The following ELAVL2 variants were observed in gnomAD, a reference collection of about 807,000 sequenced individuals.
The protein encoded by ELAVL2 is ELAV like RNA binding protein 2, also known as ELAV-like protein 2.
In ELAVL2, 4 loss-of-function variants were observed where a neutral mutation model predicts 34.6. The ratio of observed to expected loss-of-function variants is 0.12; its 90% CI spans 0.06 to 0.26. ELAVL2 has a LOEUF of 0.26. Among genes scored for constraint, ELAVL2 ranks in the 10% least tolerant of loss-of-function variants. The pLI is 1.00. For missense variants in ELAVL2, 432 were observed against 442.8 expected, an observed-to-expected ratio of 0.98 and a Z score of 0.22; for synonymous variants, 193 against 154.8, an observed-to-expected ratio of 1.25 and a Z score of -1.83.
chr9:23,745,292 A>G (rs529173756), intron 2 of ELAVL2, among the ~76,000 whole-genome samples: 8 of 152,318 alleles, frequency 5.3e-5, no homozygotes, highest in East Asian at 1.9e-4. Flanking sequence ...CTGAATGTAT[A>G]ATCTACAGCC....
chr9:23,821,899 C>G (rs1483653113), intron 1 of ELAVL2: 1 of 151,166 alleles, frequency 6.6e-6, no homozygotes, highest in Non-Finnish European at 1.5e-5. Context: ...GAGGCGGGGC[C>G]GGCGGCGAGT....
At chr9:23,779,140 C>T in intron 1 of ELAVL2, 1 of 959,934 alleles carries the variant, frequency 1.0e-6, no homozygotes, top group Non-Finnish European at 1.2e-6. Flanking sequence ...CAGGTTAACG[C>T]TCTAAAAACT....
chr9:23,764,920 G>T, intron 1 of ELAVL2: 2 of 1,272,894 alleles, frequency 1.6e-6, no homozygotes, highest in Non-Finnish European at 1.1e-6. Context: ...TATGCCAAAT[G>T]AAAGATTCAA....
chr9:23,792,768 A>G (rs1409645393), intron 1 of ELAVL2, among the ~76,000 whole-genome samples: 1 of 151,488 alleles, frequency 6.6e-6, no homozygotes, highest in Non-Finnish European at 1.5e-5. Context: ...TCCTTTTTTC[A>G]TATTTTTCTT....
chr9:23,776,547 G>C (rs935102537), intron 1 of ELAVL2, among the ~76,000 whole-genome samples: 1 of 152,030 alleles, frequency 6.6e-6, no homozygotes, highest in Non-Finnish European at 1.5e-5. Flanking sequence ...TGTACCAAGC[G>C]CTGTGCTCAG....
chr9:23,837,274 G>A, the ELAVL2 span, among the ~76,000 whole-genome samples: 1 of 152,130 alleles, frequency 6.6e-6, no homozygotes, highest in Non-Finnish European at 1.5e-5. Flanking sequence ...TGTGCCTAAG[G>A]GAGGGCTTTA....
intron 2 of ELAVL2, among the ~76,000 whole-genome samples, chr9:23,748,277 G>A (rs558699229): frequency 6.6e-6 from 1 of 152,076 alleles, no homozygotes; most frequent in African/African-American, 2.4e-5. Context: ...TTGAGGAATG[G>A]CTTTCTGCCA....
chr9:23,741,784 C>T (rs985444778), intron 2 of ELAVL2, among the ~76,000 whole-genome samples: 1 of 150,802 alleles, frequency 6.6e-6, no homozygotes, highest in Non-Finnish European at 1.5e-5. Context: ...ACCTTTCTCC[C>T]TTTGAAAGCC....
intron 1 of ELAVL2, among the ~76,000 whole-genome samples, chr9:23,820,226 C>T (rs985926439): frequency 3.9e-5 from 6 of 152,170 alleles, no homozygotes; most frequent in African/African-American, 1.4e-4. Context: ...GGACATTACA[C>T]AGCAATTGAT....
At chr9:23,799,630 C>T (rs1197820971) in intron 1 of ELAVL2, among the ~76,000 whole-genome samples, 2 of 152,154 alleles carry the variant, frequency 1.3e-5, no homozygotes, top group Non-Finnish European at 2.9e-5. Flanking sequence ...ACTCTTGCTA[C>T]TCCCAGCAGC....
At chr9:23,732,936 T>C (rs2134641561) in intron 2 of ELAVL2, among the ~76,000 whole-genome samples, 1 of 152,152 alleles carries the variant, frequency 6.6e-6, no homozygotes, top group Non-Finnish European at 1.5e-5. Flanking sequence ...CTGTTAAAGA[T>C]TTTAAGTATA....
intron 3 of ELAVL2, among the ~76,000 whole-genome samples, chr9:23,708,397 A>G (rs1298870034): frequency 6.6e-6 from 1 of 152,196 alleles, no homozygotes; most frequent in Admixed American, 6.5e-5. Context: ...GACAAGGTAA[A>G]TAACATGCCT....
chr9:23,727,080 A>G (rs1236149897), intron 3 of ELAVL2, among the ~76,000 whole-genome samples: 6 of 152,016 alleles, frequency 3.9e-5, no homozygotes, highest in Non-Finnish European at 5.9e-5. Flanking sequence ...ATCTTAAAAC[A>G]TTTTTGTAAT....
intron 3 of ELAVL2, among the ~76,000 whole-genome samples, chr9:23,723,298 ATTCT>A (rs2044216719): frequency 6.6e-6 from 1 of 152,152 alleles, no homozygotes; most frequent in South Asian, 2.1e-4. Flanking sequence ...GGAAATCATC[ATTCT>A]CAGTAAACTA....
At chr9:23,753,066 C>A (rs1335264687) in intron 2 of ELAVL2, among the ~76,000 whole-genome samples, 2 of 152,116 alleles carry the variant, frequency 1.3e-5, no homozygotes, top group East Asian at 3.9e-4. Flanking sequence ...TATTGACAAT[C>A]TAAAACTTTA....
At chr9:23,808,722 A>G (rs2062575855) in intron 1 of ELAVL2, among the ~76,000 whole-genome samples, 1 of 152,198 alleles carries the variant, frequency 6.6e-6, no homozygotes, top group African/African-American at 2.4e-5. Context: ...TCAAATTGCC[A>G]CATTTCTTTG....
intron 3 of ELAVL2, among the ~76,000 whole-genome samples, chr9:23,723,070 A>C (rs1459890428): frequency 1.3e-5 from 2 of 152,202 alleles, no homozygotes; most frequent in African/African-American, 4.8e-5. Flanking sequence ...TTCAGGTAGA[A>C]AAGATTTTTG....
chr9:23,707,899 C>T (rs920057138), intron 3 of ELAVL2, among the ~76,000 whole-genome samples: 2 of 152,150 alleles, frequency 1.3e-5, no homozygotes, highest in African/African-American at 2.4e-5. Context: ...GAACAATTTA[C>T]TCATGCAGTG....
At chr9:23,700,245 A>C (rs1379801355) in intron 5 of ELAVL2, among the ~76,000 whole-genome samples, 3 of 152,304 alleles carry the variant, frequency 2.0e-5, no homozygotes, top group Non-Finnish European at 2.9e-5. Context: ...GTGGGGTTAG[A>C]TAGCATTCTG....
Sources: gnomAD v4.1 joint callset for allele counts (sites outside exome capture counted in the v4.1 genomes callset) on GRCh38, gnomAD v4.1.1 for gene constraint, MANE v1.5 for transcripts, NCBI Gene and HGNC (gene_info 2026-07-23, HGNC 2026-07-21) for gene names.